PCDHA11: variants seen among roughly 807,000 people sequenced by gnomAD.
PCDHA11 encodes protocadherin alpha 11.
PCDHA11 carries 61 observed loss-of-function variants against 70.3 expected under a neutral mutation model. The ratio of observed to expected loss-of-function variants is 0.87; its 90% CI spans 0.71 to 1.07. The LOEUF (loss-of-function observed/expected upper bound fraction) is 1.07, where lower values mean the gene tolerates loss of function less well. Among genes scored for constraint, PCDHA11 ranks in the 50% least tolerant of loss-of-function variants. The pLI is 0.00. For synonymous variants in PCDHA11, 633 were observed against 555.1 expected (o/e 1.14, Z -1.97); for missense variants, 1,324 against 1,237.5 (o/e 1.07, Z -1.05).
intron 1 of PCDHA11, among the ~76,000 whole-genome samples, chr5:140,938,125 A>T (rs1339364898): frequency 6.6e-6 from 1 of 152,120 alleles, no homozygotes; most frequent in Non-Finnish European, 1.5e-5. Context: ...TTTTTTAAAA[A>T]AATAGAGATA....
chr5:140,913,965 A>G (rs1228834396), intron 1 of PCDHA11, among the ~76,000 whole-genome samples: 7 of 152,300 alleles, frequency 4.6e-5, no homozygotes, highest in Admixed American at 2.6e-4. Flanking sequence ...ATTTTTAAAA[A>G]AATATTTTAG....
chr5:140,908,494 C>A (rs559456993), intron 1 of PCDHA11, among the ~76,000 whole-genome samples: 1 of 152,310 alleles, frequency 6.6e-6, no homozygotes, highest in East Asian at 1.9e-4. Flanking sequence ...GTTCAGGTTG[C>A]TTGGTGACTT....
At chr5:140,875,375 A>C in intron 1 of PCDHA11, 2 of 1,456,838 alleles carry the variant, frequency 1.4e-6, no homozygotes, top group East Asian at 5.0e-5. Flanking sequence ...AATTTACTAA[A>C]TATGTACTTA....
chr5:140,890,419 A>G (rs1168983784), intron 1 of PCDHA11, among the ~76,000 whole-genome samples: 4 of 152,212 alleles, frequency 2.6e-5, no homozygotes, highest in Non-Finnish European at 5.9e-5. Context: ...ATATTTATTT[A>G]GTTTATATTT....
At chr5:140,967,979 G>C (rs1405177525) in intron 1 of PCDHA11, 3 of 1,614,100 alleles carry the variant, frequency 1.9e-6, no homozygotes, top group Non-Finnish European at 2.5e-6. Flanking sequence ...CCTGGGTCTG[G>C]AGGCCACACT....
chr5:140,922,989 G>A (rs2081104632), intron 1 of PCDHA11, among the ~76,000 whole-genome samples: 1 of 152,214 alleles, frequency 6.6e-6, no homozygotes, highest in Non-Finnish European at 1.5e-5. Context: ...CAATAGGCAA[G>A]CCATGAGAAT....
chr5:140,869,614 A>T lies in PCDHA11; in HGVS notation c.511A>T (p.Arg171Trp), dbSNP rs1554163296. ...TGAAGAGAATGCTCTATTGACCTACAGGCTAAGTAAAAATGAGTATTTTTC... is the reference window on the plus strand; with the variant it reads ...TGAAGAGAATGCTCTATTGACCTACTGGCTAAGTAAAAATGAGTATTTTTC... ...DIEENALLTY[R>W]LSKNEYFSLD... The change falls in exon 1 of 4, where the codon AGG becomes TGG. Residue 171 changes from arginine to tryptophan, a missense_variant. Arg to Trp is a moderately radical substitution (Grantham distance 101). Transcript: ENST00000398640. 2 of 1,613,940 alleles carry T rather than the reference A, an allele frequency of 1.2e-6. No homozygotes were observed. The highest frequency in any genetic ancestry group is 4.5e-5 in the East Asian group (2 of 44,886).
In PCDHA11 at chr5:140,869,909, G is replaced by A. The variant is rs781996593; in HGVS notation, c.806G>A (p.Arg269Gln). ...GTGCTCAAACTAAACGCCACAGACCGAGACGAAGGAGTCAATGGAGAGGTA... is the reference window on the plus strand; with the variant it reads ...GTGCTCAAACTAAACGCCACAGACCAAGACGAAGGAGTCAATGGAGAGGTA... ...TLVLKLNATD[R>Q]DEGVNGEVTY... Residue 269 changes from arginine (R) to glutamine (Q), a missense_variant, in exon 1 of 4, where the codon CGA becomes CAA. By Grantham distance (43) the Arg-to-Gln change is conservative. Transcript: ENST00000398640. 2.6e-5 allele frequency: 42 copies of A among 1,610,632 alleles called. No individual in the cohort carries two copies. Among genetic ancestry groups the A allele is most frequent in the Non-Finnish European group, 3.1e-5 (36 of 1,178,298 alleles).
chr5:140,969,863 C>G (rs1305470999), intron 1 of PCDHA11, among the ~76,000 whole-genome samples: 2 of 152,156 alleles, frequency 1.3e-5, no homozygotes, highest in Non-Finnish European at 2.9e-5. Context: ...CTGGTACTTG[C>G]ACTGAACCTA....
intron 1 of PCDHA11, among the ~76,000 whole-genome samples, chr5:140,964,195 T>C (rs2095816434): frequency 6.6e-6 from 1 of 152,216 alleles, no homozygotes; most frequent in South Asian, 2.1e-4. Context: ...AAATAGAGTA[T>C]ACCATCTCTT....
Position 140,993,262 on chromosome 5 carries a change from C to T in PCDHA11, c.2539+10699C>T, listed in dbSNP as rs75542242. ...CTGGGGATTTAGATATATAAATTAG[C>T]TTCTTTGGTCTTTTCTTGCCCAGGG... On this transcript the variant is annotated intron_variant, in intron 3 of 3. Transcript: ENST00000398640. Among the ~76,000 whole-genome samples the T allele has an allele frequency of 6.3e-3, 965 of 152,148 alleles. 15 individuals are homozygous for T. Among genetic ancestry groups the T allele is most frequent in the African/African-American group, 0.023 (934 of 41,492 alleles).
chr5:140,936,944 T>A (rs900789474), intron 1 of PCDHA11, among the ~76,000 whole-genome samples: 3 of 152,226 alleles, frequency 2.0e-5, no homozygotes, highest in African/African-American at 7.2e-5. Flanking sequence ...AATATCTTAT[T>A]TTGATCTTTA....
At position 140,870,310 on chromosome 5, in the gene PCDHA11, T is replaced by G; in HGVS notation, c.1207T>G (p.Tyr403Asp). Residue 403 changes from tyrosine to aspartate, a missense_variant, in exon 1 of 4, where the codon TAC (tyrosine) becomes GAC (aspartate). By Grantham distance (160) the Tyr-to-Asp change is radical. Transcript: ENST00000398640. ...CAAGCTGGTGTCCACCTTCAAGAATTACTACTCGTTGGTGCTGGACAGCGC... is the reference window on the plus strand; with the variant it reads ...CAAGCTGGTGTCCACCTTCAAGAATGACTACTCGTTGGTGCTGGACAGCGC... ...PFKLVSTFKN[Y>D]YSLVLDSALD... is the part of the protein sequence containing the mutation. The G allele has an allele frequency of 6.2e-7, 1 of 1,614,122 alleles. No homozygotes were observed. The highest frequency in any genetic ancestry group is 1.1e-5 in the South Asian group (1 of 91,086).
intron 1 of PCDHA11, chr5:140,928,429 T>A: frequency 6.2e-7 from 1 of 1,614,146 alleles, no homozygotes; most frequent in Non-Finnish European, 8.5e-7. Flanking sequence ...CAAAACTTCC[T>A]TTGACTTTGA....
chr5:140,978,911 T>C, intron 1 of PCDHA11, 38 bp from the exon 2 acceptor site: 1 of 1,613,856 alleles, frequency 6.2e-7, no homozygotes, highest in Non-Finnish European at 8.5e-7. Context: ...AACATTGTCT[T>C]GTCATTTTAA....
chr5:140,957,736 C>T (rs1001757062), intron 1 of PCDHA11, among the ~76,000 whole-genome samples: 3 of 151,944 alleles, frequency 2.0e-5, no homozygotes, highest in Non-Finnish European at 4.4e-5. Context: ...ATTATATATA[C>T]TGACATGAAA....
chr5:140,970,657 T>C (rs1487534093), intron 1 of PCDHA11, among the ~76,000 whole-genome samples: 1 of 152,232 alleles, frequency 6.6e-6, no homozygotes, highest in Non-Finnish European at 1.5e-5. Context: ...TGAATTGTTA[T>C]CTTTCCAAAT....
At chr5:140,969,342 G>T (rs1216517284) in intron 1 of PCDHA11, 2 of 1,613,512 alleles carry the variant, frequency 1.2e-6, no homozygotes, top group Non-Finnish European at 1.7e-6. Flanking sequence ...GTGAGACAGT[G>T]GTCAGGGGGT....
chr5:140,880,689 T>C lies in PCDHA11; in HGVS notation c.2391+9195T>C, dbSNP rs957358698. 1.2e-4 allele frequency among the ~76,000 whole-genome samples: 18 copies of C among 152,326 alleles called. No homozygotes were observed. In the South Asian group the frequency reaches 3.7e-3, roughly 32 times the overall value. Reference sequence around the variant, plus strand: ...AGAGTAAATTTGAAGAGAATAGTCATGGTTAAGTGACAATGTTGAGCAGCT... The same window carrying C: ...AGAGTAAATTTGAAGAGAATAGTCACGGTTAAGTGACAATGTTGAGCAGCT... On this transcript the variant is annotated intron_variant, in intron 1 of 3. Transcript: ENST00000398640.
Sources: allele counts gnomAD v4.1 joint callset (sites outside exome capture counted in the v4.1 genomes callset), GRCh38; gene constraint gnomAD v4.1.1; transcripts MANE v1.5; gene names NCBI Gene and HGNC (gene_info 2026-07-23, HGNC 2026-07-21).